The following KCNJ6 variants were observed in gnomAD, a reference collection of about 807,000 sequenced individuals.
KCNJ6 encodes G protein-activated inward rectifier potassium channel 2.
In KCNJ6, 9 loss-of-function variants were observed where a neutral mutation model predicts 34.2. The observed-to-expected ratio is 0.26, with a 90% confidence interval of 0.16 to 0.46. KCNJ6 has a LOEUF of 0.46. Among genes scored for constraint, KCNJ6 ranks in the 20% least tolerant of loss-of-function variants. The pLI, the probability that KCNJ6 is intolerant of heterozygous loss-of-function variation, is 1.00. For synonymous variants in KCNJ6, 196 were observed against 207.1 expected, an observed-to-expected ratio of 0.95 and a Z score of 0.46; for missense variants, 236 against 531.3, an observed-to-expected ratio of 0.44 and a Z score of 5.46.
At chr21:37,802,133 C>G (rs897681367) in intron 2 of KCNJ6, among the ~76,000 whole-genome samples, 3 of 152,100 alleles carry the variant, frequency 2.0e-5, no homozygotes, top group Admixed American at 2.0e-4. Flanking sequence ...TATAGCATGG[C>G]GGGGGTGAAG....
intron 1 of KCNJ6, among the ~76,000 whole-genome samples, chr21:37,912,416 A>G (rs2055871131): frequency 6.6e-6 from 1 of 152,210 alleles, no homozygotes; most frequent in African/African-American, 2.4e-5. Flanking sequence ...TACCTAGATT[A>G]TTGACACCAC....
chr21:37,774,977 G>A (rs567843008), intron 2 of KCNJ6, among the ~76,000 whole-genome samples: 4 of 152,146 alleles, frequency 2.6e-5, no homozygotes, highest in African/African-American at 9.7e-5. Flanking sequence ...CAGTGTAAAA[G>A]TGTTCCTATT....
At chr21:37,677,524 T>C (rs2054570036) in intron 3 of KCNJ6, among the ~76,000 whole-genome samples, 1 of 152,160 alleles carries the variant, frequency 6.6e-6, no homozygotes, top group Middle Eastern at 3.2e-3. Flanking sequence ...TCCTCCCTTT[T>C]TGTTGTTGTT....
intron 1 of KCNJ6, among the ~76,000 whole-genome samples, chr21:37,856,828 A>C (rs2055567616): frequency 6.6e-6 from 1 of 151,974 alleles, no homozygotes; most frequent in Non-Finnish European, 1.5e-5. Context: ...ATGGCCTCTG[A>C]CCTGGGGAAG....
rs914423465 is a variant in KCNJ6, at chr21:37,608,003, G to C, written c.*17156C>G. The stretch of plus-strand genomic sequence containing the variant: ...TTTGCTGAATCATTTCAAAGTGCTT[G>C]ACAGTTGTGTAAAGACCTTTTGGTT... On this transcript the variant is annotated 3_prime_UTR_variant, in exon 4 of 4. Coordinates refer to ENST00000609713, the MANE Select transcript of KCNJ6 (RefSeq NM_002240.5). 4 of 152,142 alleles carry C rather than the reference G, an allele frequency of 2.6e-5. No individual in the cohort carries two copies. Among genetic ancestry groups the C allele is most frequent in the Non-Finnish European group, 5.9e-5 (4 of 68,024 alleles). The allele number at this position is 152,142 out of a possible 1,614,324, so 9.4% of individuals were successfully genotyped here.
chr21:37,698,251 G>C (rs912979167), intron 3 of KCNJ6, among the ~76,000 whole-genome samples: 2 of 152,146 alleles, frequency 1.3e-5, no homozygotes, highest in African/African-American at 4.8e-5. Flanking sequence ...ACATGCAAAT[G>C]ATCTCATCTC....
At chr21:37,883,321 A>C (rs1183394926) in intron 1 of KCNJ6, among the ~76,000 whole-genome samples, 1 of 152,228 alleles carries the variant, frequency 6.6e-6, no homozygotes, top group Non-Finnish European at 1.5e-5. Flanking sequence ...ACCTTTTAAA[A>C]ATGTAAAAGC....
At chr21:37,903,742 A>C (rs2055827910) in intron 1 of KCNJ6, among the ~76,000 whole-genome samples, 2 of 150,572 alleles carry the variant, frequency 1.3e-5, no homozygotes, top group African/African-American at 2.5e-5. Flanking sequence ...ACAAAACAAA[A>C]CAAAAAAAAA....
At chr21:37,763,983 G>C (rs1035705735) in intron 2 of KCNJ6, among the ~76,000 whole-genome samples, 4 of 152,108 alleles carry the variant, frequency 2.6e-5, no homozygotes, top group Non-Finnish European at 5.9e-5. Flanking sequence ...TTTTACCCCT[G>C]ACTCATCTCA....
intron 3 of KCNJ6, among the ~76,000 whole-genome samples, chr21:37,704,656 C>CATT (rs142691229): frequency 2.7e-5 from 4 of 149,336 alleles, no homozygotes; most frequent in Non-Finnish European, 4.5e-5. Flanking sequence ...CAGTATGAGT[C>CATT]GTCGTCATCA....
At chr21:37,690,104 ATTGTTTGATTGAC>A (rs2054633074) in intron 3 of KCNJ6, among the ~76,000 whole-genome samples, 1 of 151,616 alleles carries the variant, frequency 6.6e-6, no homozygotes, top group African/African-American at 2.4e-5. Context: ...TTTGATTGAA[ATTGTTTGATTGAC>A]ATATGATATA....
chr21:37,788,487 C>T (rs548022207), intron 2 of KCNJ6, among the ~76,000 whole-genome samples: 1 of 152,298 alleles, frequency 6.6e-6, no homozygotes, highest in South Asian at 2.1e-4. Context: ...GGCCACAATG[C>T]TCTTATACCA....
chr21:37,653,969 C>T (rs1202021766), intron 3 of KCNJ6, among the ~76,000 whole-genome samples: 1 of 152,090 alleles, frequency 6.6e-6, no homozygotes, highest in Non-Finnish European at 1.5e-5. Context: ...CCTACGGTGG[C>T]TCAAGAAGGA....
At chr21:37,707,723 A>ATGTG (rs1491422353) in intron 3 of KCNJ6, among the ~76,000 whole-genome samples, 14 of 778 alleles carry the variant, frequency 0.018, no homozygotes, top group South Asian at 0.062. Flanking sequence ...GTATCTGTGC[A>ATGTG]TGTGTGTGTG....
At chr21:37,845,988 T>C (rs2055504945) in intron 1 of KCNJ6, among the ~76,000 whole-genome samples, 1 of 152,088 alleles carries the variant, frequency 6.6e-6, no homozygotes, top group African/African-American at 2.4e-5. Flanking sequence ...GGGGTAATCA[T>C]GATGATATAT....
At chr21:37,845,813 G>C (rs963430269) in intron 1 of KCNJ6, among the ~76,000 whole-genome samples, 3 of 152,156 alleles carry the variant, frequency 2.0e-5, no homozygotes, top group African/African-American at 7.2e-5. Flanking sequence ...TGGTGACTAT[G>C]CAACCCACAC....
At chr21:37,652,493 G>GT (rs1019996357) in intron 3 of KCNJ6, among the ~76,000 whole-genome samples, 34 of 151,962 alleles carry the variant, frequency 2.2e-4, no homozygotes, top group East Asian at 7.7e-4. Flanking sequence ...GAGGGTTTTT[G>GT]TTTTTTTTGT....
intron 1 of KCNJ6, among the ~76,000 whole-genome samples, chr21:37,857,082 C>T (rs924827350): frequency 1.4e-4 from 21 of 152,306 alleles, no homozygotes; most frequent in African/African-American, 4.3e-4. Context: ...TAAACCATTC[C>T]TATGGATAGA....
intron 2 of KCNJ6, among the ~76,000 whole-genome samples, chr21:37,839,417 A>G (rs2055467817): frequency 6.6e-6 from 1 of 152,236 alleles, no homozygotes. Context: ...AAGGAAATCA[A>G]TGTAAATAAC....
Sources: gnomAD v4.1 joint callset for allele counts (sites outside exome capture counted in the v4.1 genomes callset) on GRCh38, gnomAD v4.1.1 for gene constraint, MANE v1.5 for transcripts, NCBI Gene and HGNC (gene_info 2026-07-23, HGNC 2026-07-21) for gene names.